Variants in PCLO observed in about 807,000 individuals in gnomAD.
The protein encoded by PCLO is piccolo presynaptic cytomatrix protein.
A neutral mutation model predicts 427.5 loss-of-function variants in PCLO; 82 were observed. The observed-to-expected ratio is 0.19, with a 90% confidence interval of 0.16 to 0.23. The LOEUF is 0.23. Among genes scored for constraint, PCLO ranks in the 10% least tolerant of loss-of-function variants. The pLI is 1.00. For synonymous variants in PCLO, 2,357 were observed against 2,155.4 expected (o/e 1.09, Z -2.59); for missense variants, 6,239 against 6,115.9 (o/e 1.02, Z -0.67).
Position 82,834,071 on chromosome 7 carries a change from G to A in PCLO, c.14249+1596C>T, listed in dbSNP as rs1284056765. On this transcript the variant is annotated intron_variant, in intron 16 of 24. Coordinates refer to ENST00000333891, the MANE Select transcript of PCLO (RefSeq NM_033026.6). ...GACATGGTGAAAGTGATTTCTAGAT[G>A]AAAGATATAAGAAAGTAGCTTCTAG... Among the ~76,000 whole-genome samples the A allele has an allele frequency of 2.6e-5, 4 of 152,096 alleles. No homozygotes were observed. In the East Asian group the frequency reaches 7.7e-4, roughly 29 times the overall value.
intron 3 of PCLO, among the ~76,000 whole-genome samples, chr7:82,990,524 G>T (rs1796353773): frequency 6.6e-6 from 1 of 152,076 alleles, no homozygotes; most frequent in African/African-American, 2.4e-5. Context: ...GATAATGAAT[G>T]GGACTCAAAA....
rs1790338823 is a variant in PCLO at position 82,757,285 on chromosome 7, A to T, written c.*1290T>A. 6.6e-6 allele frequency: 1 copy of T among 152,002 alleles called. No individual in the cohort carries two copies. The highest frequency in any genetic ancestry group is 1.5e-5 in the Non-Finnish European group (1 of 67,940). The allele number at this position is 152,002 out of a possible 1,614,324, so 9.4% of individuals were successfully genotyped here. A position where few individuals can be genotyped will look rare whatever the true frequency, so the allele number is the denominator to read the frequency against. On this transcript the variant is annotated 3_prime_UTR_variant, in exon 25 of 25. Coordinates refer to ENST00000333891, the MANE Select transcript of PCLO (RefSeq NM_033026.6). ...ATAGAGAAGAGGGTGCTTCATTTTAAGACTTGGACATTAGTTGTTTTATTC... is the reference window on the plus strand; with the variant it reads ...ATAGAGAAGAGGGTGCTTCATTTTATGACTTGGACATTAGTTGTTTTATTC...
At chr7:82,988,929 G>A (rs1173452553) in intron 3 of PCLO, among the ~76,000 whole-genome samples, 2 of 151,866 alleles carry the variant, frequency 1.3e-5, no homozygotes, top group African/African-American at 4.8e-5. Flanking sequence ...CTGCCTCCCG[G>A]GTTCAAGCGA....
Position 82,915,209 on chromosome 7 carries a change from A to G in PCLO, c.12777T>C (p.Ser4259=). ...CTAATGTGCCCAGTCCTGTGCCAAGAGAAGATCCCATAAATTTTTGTTGGT... is the reference window on the plus strand; with the variant it reads ...CTAATGTGCCCAGTCCTGTGCCAAGGGAAGATCCCATAAATTTTTGTTGGT... ...ITDQQKFMGS[S]LGTGLGTLGN... Residue 4259 remains serine (S), a synonymous_variant, in exon 7 of 25, where the codon TCT becomes TCC. Transcript: ENST00000333891. 1 of 1,612,394 alleles carries G rather than the reference A, an allele frequency of 6.2e-7. No individual in the cohort carries two copies.
intron 10 of PCLO, among the ~76,000 whole-genome samples, chr7:82,876,487 CAT>C (rs1491513231): frequency 0.021 from 2,704 of 131,434 alleles, 41 homozygotes; most frequent in African/African-American, 0.03. Flanking sequence ...CACACACACA[CAT>C]ACACCACACA....
chr7:83,152,003 T>C lies in PCLO; in HGVS notation c.1893+2745A>G, dbSNP rs148982524. Among the ~76,000 whole-genome samples the C allele has an allele frequency of 2.3e-3, 355 of 152,158 alleles. 5 individuals carry two copies. Among genetic ancestry groups the C allele is most frequent in the African/African-American group, 7.0e-3 (292 of 41,534 alleles). ...GAGACAGAGTCTTGCTTTGCTCTGT[T>C]GCCCAGGCTGGAATGCAGTGGCGTG... On this transcript the variant is annotated intron_variant, in intron 2 of 24. Coordinates refer to ENST00000333891, the MANE Select transcript of PCLO (RefSeq NM_033026.6).
At position 82,780,615 on chromosome 7, in the gene PCLO, T is replaced by G. The variant is rs374149254; in HGVS notation, c.15008-19122A>C. On this transcript the variant is annotated intron_variant, in intron 22 of 24. Transcript: ENST00000333891. ...CAGGCTGGAGTGCGGTGGCGCGATC[T>G]CCGCTCAATGCAAGCTCCGCCTCCC... Among the ~76,000 whole-genome samples, 18 of 152,340 alleles carry G rather than the reference T, an allele frequency of 1.2e-4. 1 individual carries two copies. The East Asian group carries it at 2.7e-3, about 23-fold the overall frequency.
chr7:82,932,671 T>C lies in PCLO; in HGVS notation c.11113-15798A>G, dbSNP rs571395839. Among the ~76,000 whole-genome samples, 9 of 152,228 alleles carry C rather than the reference T, an allele frequency of 5.9e-5. No individual in the cohort carries two copies. The South Asian group carries it at 1.0e-3, about 18-fold the overall frequency. ...GGTGTGGGATCATCATCCTCACAGA[T>C]GTTGAAGTCATTCAGGATCTGGCAG... is the stretch of plus-strand genomic sequence containing the variant. On this transcript the variant is annotated intron_variant, in intron 6 of 24. Transcript: ENST00000333891.
chr7:83,011,003 T>C (rs1788063275), intron 3 of PCLO, among the ~76,000 whole-genome samples: 1 of 152,068 alleles, frequency 6.6e-6, no homozygotes, highest in African/African-American at 2.4e-5. Context: ...ACTGCCGAAC[T>C]ATATGAGAAT....
intron 3 of PCLO, among the ~76,000 whole-genome samples, chr7:83,105,812 CTCTG>C (rs1790840554): frequency 6.6e-6 from 1 of 152,174 alleles, no homozygotes; most frequent in Non-Finnish European, 1.5e-5. Flanking sequence ...GGGGCTTTCT[CTCTG>C]TTTCAACAAA....
At chr7:82,977,489 C>A (rs1008217187) in intron 3 of PCLO, among the ~76,000 whole-genome samples, 1 of 151,532 alleles carries the variant, frequency 6.6e-6, no homozygotes, top group Non-Finnish European at 1.5e-5. Flanking sequence ...CCTTGGCTCA[C>A]ACAACCTCTG....
At chr7:82,942,920 G>C (rs535889932) in intron 6 of PCLO, among the ~76,000 whole-genome samples, 21 of 152,026 alleles carry the variant, frequency 1.4e-4, no homozygotes, top group Non-Finnish European at 2.1e-4. Flanking sequence ...TTTAAAGTTA[G>C]TTTTAATAGA....
chr7:82,937,156 A>C (rs570822766), intron 6 of PCLO, among the ~76,000 whole-genome samples: 1 of 151,862 alleles, frequency 6.6e-6, no homozygotes, highest in East Asian at 1.9e-4. Flanking sequence ...ATGTTGTGTG[A>C]ATTTCGCCTC....
intron 3 of PCLO, among the ~76,000 whole-genome samples, chr7:83,006,887 C>T (rs1232143669): frequency 6.6e-6 from 1 of 151,488 alleles, no homozygotes; most frequent in African/African-American, 2.4e-5. Flanking sequence ...CTCCCTGGTT[C>T]CTTAGCCTAC....
chr7:83,145,105 A>AC (rs1343979688), intron 2 of PCLO, among the ~76,000 whole-genome samples: 1 of 152,178 alleles, frequency 6.6e-6, no homozygotes. Context: ...TCCATCTTAA[A>AC]TTGCTAAGCA....
intron 9 of PCLO, among the ~76,000 whole-genome samples, chr7:82,901,867 A>C (rs12154481): frequency 0.6 from 91,346 of 151,332 alleles, 28,577 homozygotes; most frequent in East Asian, 0.82. Flanking sequence ...AAATCAAAAC[A>C]ACAATGAGAT....
intron 6 of PCLO, among the ~76,000 whole-genome samples, chr7:82,930,534 T>C (rs771800835): frequency 2.0e-5 from 3 of 152,028 alleles, no homozygotes; most frequent in Non-Finnish European, 4.4e-5. Flanking sequence ...ATCCAAGAGG[T>C]AAATGTTAGC....
chr7:83,138,144 A>G (rs548929093), intron 2 of PCLO, among the ~76,000 whole-genome samples: 2 of 152,326 alleles, frequency 1.3e-5, no homozygotes, highest in South Asian at 4.1e-4. Flanking sequence ...TCTTACATGT[A>G]TAGTCACTGA....
rs80042552 is a variant in PCLO at position 83,121,859 on chromosome 7, T to C, written c.3300+12391A>G. Among the ~76,000 whole-genome samples the C allele has an allele frequency of 7.8e-4, 61 of 78,538 alleles. No individual in the cohort carries two copies. In the East Asian group the frequency reaches 0.052, roughly 67 times the overall value. 51.5% of individuals were successfully genotyped at this position (78,538 alleles called of 152,430 possible). ...CAAAACCAAAGACACAACAACAAAA[T>C]AAAACTATAGCCTAATATCTCTGAT... On this transcript the variant is annotated intron_variant, in intron 3 of 24. Coordinates refer to ENST00000333891, the MANE Select transcript of PCLO (RefSeq NM_033026.6).
Sources: gnomAD v4.1 joint callset for allele counts (sites outside exome capture counted in the v4.1 genomes callset) on GRCh38, gnomAD v4.1.1 for gene constraint, MANE v1.5 for transcripts, NCBI Gene and HGNC (gene_info 2026-07-23, HGNC 2026-07-21) for gene names.